PRDM5: variants seen among roughly 807,000 people sequenced by gnomAD.
PRDM5 encodes the protein PR domain zinc finger protein 5.
Under a neutral mutation model 81.2 loss-of-function variants are expected in PRDM5, and 56 were observed. The observed-to-expected ratio is 0.69, with a 90% CI of 0.56 to 0.86. The LOEUF (loss-of-function observed/expected upper bound fraction) is 0.86, where lower values mean the gene tolerates loss of function less well. Among genes scored for constraint, PRDM5 ranks in the 40% least tolerant of loss-of-function variants. The probability of loss-of-function intolerance (pLI) is 0.00; values close to 1 mark genes in which losing one functional copy is unlikely to be tolerated. For missense variants in PRDM5, 697 were observed against 770.1 expected (o/e 0.91, Z 1.12); for synonymous variants, 267 against 256.4 (o/e 1.04, Z -0.39).
rs369843425 is a variant in PRDM5 at position 120,853,510 on chromosome 4, T to C, written c.208A>G (p.Ile70Val). The change falls in exon 3 of 16, where the codon ATT becomes GTT. Residue 70 changes from isoleucine (I) to valine (V), a missense_variant. This residue lies in a region of PRDM5 where 577 missense variants were observed against 606.7 expected (regional missense o/e 0.95). Coordinates refer to ENST00000264808, the MANE Select transcript of PRDM5 (RefSeq NM_018699.4). Reference sequence around the variant, plus strand: ...TGCCGTGGGTTGGTAGCATCCAAAATGTACAAAACTTCTCCCTTACTCCCA... The same window carrying C: ...TGCCGTGGGTTGGTAGCATCCAAAACGTACAAAACTTCTCCCTTACTCCCA... ...VRGSKGEVLY[I>V]LDATNPRHSN... The C allele has an allele frequency of 1.1e-5, 18 of 1,613,616 alleles. No homozygotes were observed. Among genetic ancestry groups the C allele is most frequent in the Non-Finnish European group, 1.4e-5 (16 of 1,179,732 alleles).
intron 14 of PRDM5, among the ~76,000 whole-genome samples, chr4:120,746,500 T>C (rs1415037643): frequency 7.3e-6 from 1 of 137,818 alleles, no homozygotes; most frequent in East Asian, 2.2e-4. Context: ...ACAGGCAACC[T>C]ACAAAATGGG....
At chr4:120,888,200 A>G (rs1763672735) in intron 2 of PRDM5, among the ~76,000 whole-genome samples, 1 of 152,232 alleles carries the variant, frequency 6.6e-6, no homozygotes, top group South Asian at 2.1e-4. Context: ...ATCTCAATGA[A>G]TTCTCACAAA....
At chr4:120,729,818 C>T (rs1739988162) in intron 14 of PRDM5, among the ~76,000 whole-genome samples, 1 of 152,074 alleles carries the variant, frequency 6.6e-6, no homozygotes, top group South Asian at 2.1e-4. Flanking sequence ...TGTTGAGGTC[C>T]TAGTGGCACC....
intron 10 of PRDM5, among the ~76,000 whole-genome samples, chr4:120,794,336 T>C (rs928521587): frequency 6.6e-6 from 1 of 152,170 alleles, no homozygotes; most frequent in Non-Finnish European, 1.5e-5. Flanking sequence ...AGAACTTTTT[T>C]TTTTACTATG....
intron 14 of PRDM5, among the ~76,000 whole-genome samples, chr4:120,725,477 CT>C (rs1314115227): frequency 1.3e-5 from 2 of 152,308 alleles, no homozygotes; most frequent in African/African-American, 2.4e-5. Context: ...TCACATTTCA[CT>C]TTTTTTCCTA....
At chr4:120,713,989 C>T (rs1560945989) in intron 14 of PRDM5, among the ~76,000 whole-genome samples, 1 of 152,070 alleles carries the variant, frequency 6.6e-6, no homozygotes, top group Non-Finnish European at 1.5e-5. Flanking sequence ...ACAGCTATAC[C>T]CTCATGACCC....
chr4:120,873,317 A>G (rs1368634540), intron 2 of PRDM5, among the ~76,000 whole-genome samples: 3 of 152,092 alleles, frequency 2.0e-5, no homozygotes, highest in Non-Finnish European at 4.4e-5. Flanking sequence ...AATTTTTAAG[A>G]AGAGAAAAAA....
intron 3 of PRDM5, among the ~76,000 whole-genome samples, chr4:120,827,850 T>C (rs566762600): frequency 1.3e-5 from 2 of 152,240 alleles, no homozygotes; most frequent in East Asian, 1.9e-4. Context: ...TGTGGGCATC[T>C]TTCTTATCCC....
In PRDM5 at chr4:120,712,248, T is replaced by C. The variant is rs553801357; in HGVS notation, c.1624-1835A>G. ...TTGCAGTGAGCCAAGATGACTCCAA[T>C]GCACTCCAGCCTGGGCGACAAGAGC... On this transcript the variant is annotated intron_variant, in intron 14 of 15. Coordinates refer to ENST00000264808, the MANE Select transcript of PRDM5 (RefSeq NM_018699.4). Among the ~76,000 whole-genome samples, 143 of 152,258 alleles carry C rather than the reference T, an allele frequency of 9.4e-4. 1 individual carries two copies. Among genetic ancestry groups the C allele is most frequent in the Non-Finnish European group, 1.6e-3 (107 of 68,016 alleles).
Position 120,869,801 on chromosome 4 carries a change from T to C in PRDM5, c.178-16261A>G, listed in dbSNP as rs564190881. ...GTGTCTTTGATCCTCCTTTGCCATG[T>C]TGAAAAAAAACCTCATGTCAACACA... is the stretch of plus-strand genomic sequence containing the variant. On this transcript the variant is annotated intron_variant, in intron 2 of 15. Coordinates refer to ENST00000264808, the MANE Select transcript of PRDM5 (RefSeq NM_018699.4). Among the ~76,000 whole-genome samples, 9 of 152,252 alleles carry C rather than the reference T, an allele frequency of 5.9e-5. No individual in the cohort carries two copies. The South Asian group carries it at 1.7e-3, about 28-fold the overall frequency.
intron 14 of PRDM5, among the ~76,000 whole-genome samples, chr4:120,734,342 T>C (rs923166809): frequency 1.3e-5 from 2 of 150,692 alleles, no homozygotes; most frequent in Non-Finnish European, 2.9e-5. Flanking sequence ...AGACCAGAGA[T>C]TCTTGAATTG....
chr4:120,866,491 A>T (rs1761212039), intron 2 of PRDM5, among the ~76,000 whole-genome samples: 1 of 152,252 alleles, frequency 6.6e-6, no homozygotes, highest in African/African-American at 2.4e-5. Context: ...TTGAGTGTTT[A>T]TTATGTGCCA....
At chr4:120,803,883 G>A (rs1391880445) in intron 8 of PRDM5, among the ~76,000 whole-genome samples, 2 of 152,176 alleles carry the variant, frequency 1.3e-5, no homozygotes, top group South Asian at 2.1e-4. Context: ...TGGGCTAAAT[G>A]CTCCAATTAA....
At chr4:120,695,670 C>A (rs1008932257) in intron 15 of PRDM5, among the ~76,000 whole-genome samples, 1 of 152,064 alleles carries the variant, frequency 6.6e-6, no homozygotes, top group Non-Finnish European at 1.5e-5. Flanking sequence ...AAATTTATTA[C>A]ACACTATTTC....
intron 15 of PRDM5, among the ~76,000 whole-genome samples, chr4:120,702,288 G>C (rs557272297): frequency 1.3e-5 from 2 of 152,236 alleles, no homozygotes; most frequent in Admixed American, 6.5e-5. Context: ...TAATCACTGA[G>C]CTCTAGCCAA....
chr4:120,872,999 T>C (rs1295362190), intron 2 of PRDM5, among the ~76,000 whole-genome samples: 2 of 135,168 alleles, frequency 1.5e-5, no homozygotes, highest in Non-Finnish European at 3.2e-5. Context: ...GTTTTTACCA[T>C]ATTTTTTATT....
chr4:120,717,541 G>C (rs539007234), intron 14 of PRDM5, among the ~76,000 whole-genome samples: 17 of 152,236 alleles, frequency 1.1e-4, no homozygotes, highest in Admixed American at 4.6e-4. Flanking sequence ...CATCTGAGAG[G>C]GTTCTACAGA....
At chr4:120,744,041 C>T (rs1018730299) in intron 14 of PRDM5, among the ~76,000 whole-genome samples, 2 of 152,048 alleles carry the variant, frequency 1.3e-5, no homozygotes, top group African/African-American at 4.8e-5. Flanking sequence ...TAAAGCTCTC[C>T]TCAGCAAATG....
intron 1 of PRDM5, among the ~76,000 whole-genome samples, chr4:120,916,251 G>C (rs1329126459): frequency 6.6e-6 from 1 of 152,130 alleles, no homozygotes; most frequent in African/African-American, 2.4e-5. Flanking sequence ...GCCAGGTGTG[G>C]TGGTGGGCAC....
Sources: gnomAD v4.1 joint callset for allele counts (sites outside exome capture counted in the v4.1 genomes callset) on GRCh38, gnomAD v4.1.1 for gene constraint, gnomAD v4.1.1 regional missense constraint, MANE v1.5 for transcripts, NCBI Gene and HGNC (gene_info 2026-07-23, HGNC 2026-07-21) for gene names.